ISCU: variants seen among roughly 807,000 people sequenced by gnomAD.
ISCU encodes the protein iron-sulfur cluster assembly enzyme ISCU.
Under a neutral mutation model 18.4 loss-of-function variants are expected in ISCU, and 13 were observed. The observed-to-expected ratio is 0.71, with a 90% confidence interval of 0.46 to 1.12. The LOEUF (loss-of-function observed/expected upper bound fraction) is 1.12, where lower values mean the gene tolerates loss of function less well. ISCU is among the 50% of genes most tolerant of loss of function. ISCU has a pLI of 0.00. For missense variants in ISCU, 229 were observed against 208.7 expected (o/e 1.10, Z -0.60); for synonymous variants, 104 against 87.5 (o/e 1.19, Z -1.06).
intron 4 of ISCU, chr12:108,568,117 T>G (rs2030986861): frequency 1.5e-6 from 2 of 1,374,510 alleles, no homozygotes; most frequent in Non-Finnish European, 1.9e-6. Context: ...GATCTGGAAT[T>G]TTAAGTACCC....
chr12:108,564,319 T>C lies in ISCU; in HGVS notation c.155T>C (p.Leu52Pro), dbSNP rs560744899. Residue 52 changes from leucine (L) to proline (P), a missense_variant, in exon 2 of 5, where the codon CTT becomes CCT. Coordinates refer to ENST00000311893, the MANE Select transcript of ISCU (RefSeq NM_213595.4). ...HYENPRNVGS[L>P]DKTSKNVGTG... ...GAAAATCCTAGAAACGTGGGGTCCC[T>C]TGACAAGACATCTAAAAATGTTGGA... 2.5e-6 allele frequency: 4 copies of C among 1,614,200 alleles called. No individual in the cohort carries two copies. In the South Asian group the frequency reaches 3.3e-5, roughly 13 times the overall value.
At position 108,568,205 on chromosome 12, in the gene ISCU, G is replaced by A. The variant is rs149143463; in HGVS notation, c.419-626G>A. 1.7e-3 allele frequency: 2,176 copies of A among 1,264,390 alleles called. 62 individuals carry two copies. The highest frequency in any genetic ancestry group is 2.0e-4 in the Non-Finnish European group (205 of 1,005,196). The allele number at this position is 1,264,390 out of a possible 1,614,324, so 78.3% of individuals were successfully genotyped here. On this transcript the variant is annotated intron_variant, in intron 4 of 4. Transcript: ENST00000311893. The stretch of plus-strand genomic sequence containing the variant: ...CAGCCCTTTTATTAGGCCTTTTTAG[G>A]TACTGAAACCTTTAGCTGATGTTCT...
At chr12:108,564,156 G>A (rs1205590760) in intron 1 of ISCU, 123 bp from the exon 2 acceptor site, 2 of 1,610,042 alleles carry the variant, frequency 1.2e-6, no homozygotes, top group Non-Finnish European at 1.7e-6. Flanking sequence ...TTCTACTCAG[G>A]TGAAATTTGG....
At chr12:108,567,795 G>A (rs2030970895) in intron 4 of ISCU, 1 of 1,531,286 alleles carries the variant, frequency 6.5e-7, no homozygotes, top group Non-Finnish European at 8.7e-7. Context: ...AAGCCCAGTT[G>A]TACAATGTCC....
At position 108,569,254 on chromosome 12, in the gene ISCU, G is replaced by A. The variant is rs2031044099; in HGVS notation, c.*338G>A. The A allele has an allele frequency of 9.8e-6, 3 of 305,634 alleles. No individual in the cohort carries two copies. The highest frequency in any genetic ancestry group is 6.8e-5 in the South Asian group (2 of 29,518). The allele number at this position is 305,634 out of a possible 1,614,324, so 18.9% of individuals were successfully genotyped here. A position where few individuals can be genotyped will look rare whatever the true frequency, so the allele number is the denominator to read the frequency against. ...TAATTTTACCTGAATTGATTTGGGG[G>A]GAAATTACCAGTAGAATGCCTTGGT... is the stretch of plus-strand genomic sequence containing the variant. On this transcript the variant is annotated 3_prime_UTR_variant, in exon 5 of 5. Coordinates refer to ENST00000311893, the MANE Select transcript of ISCU (RefSeq NM_213595.4).
rs1480232159 is a variant in ISCU at position 108,562,737 on chromosome 12, G to A, written c.114+1G>A. 2.2e-6 allele frequency: 3 copies of A among 1,364,274 alleles called. No individual in the cohort carries two copies. The highest frequency in any genetic ancestry group is 2.8e-6 in the Non-Finnish European group (3 of 1,075,900). 84.5% of individuals were successfully genotyped at this position (1,364,274 alleles called of 1,614,324 possible). On this transcript the variant is annotated splice_donor_variant, in intron 1 of 4. Coordinates refer to ENST00000311893, the MANE Select transcript of ISCU (RefSeq NM_213595.4). LOFTEE classifies it high-confidence loss of function. ...CCCGGCCCGACTCTATCACAAGAAG[G>A]TAGGGACAAAAGAGGGACGCGCGGA...
At chr12:108,564,497 G>A in intron 2 of ISCU, 105 bp downstream of exon 2, 1 of 801,364 alleles carries the variant, frequency 1.2e-6, no homozygotes, top group Non-Finnish European at 2.1e-6. Context: ...AGATCTCCAA[G>A]CATTTCACTT....
rs1309203989 is a variant in ISCU at position 108,567,559 on chromosome 12, C to G, written c.418+291C>G. 1.6e-5 allele frequency: 16 copies of G among 973,518 alleles called. No homozygotes were observed. In the Admixed American group the frequency reaches 3.2e-4, roughly 20 times the overall value. 60.3% of individuals were successfully genotyped at this position (973,518 alleles called of 1,614,324 possible). On this transcript the variant is annotated intron_variant, in intron 4 of 4. Transcript: ENST00000311893. ...GTGCACAGTAGATGTCATTACTTCC[C>G]TCTTATGGATGAGGAAGCTAAGGCT...
In ISCU at chr12:108,564,323, C is replaced by A. The variant is rs745476091; in HGVS notation, c.159C>A (p.Asp53Glu). The change falls in exon 2 of 5, where the codon GAC becomes GAA. Residue 53 changes from aspartate to glutamate, a missense_variant. By Grantham distance (45) the Asp-to-Glu change is conservative. Transcript: ENST00000311893. ...ATCCTAGAAACGTGGGGTCCCTTGA[C>A]AAGACATCTAAAAATGTTGGAACTG... ...YENPRNVGSL[D>E]KTSKNVGTGL... 1 of 1,614,160 alleles carries A rather than the reference C, an allele frequency of 6.2e-7. No homozygotes were observed. The highest frequency in any genetic ancestry group is 8.5e-7 in the Non-Finnish European group (1 of 1,180,000).
At chr12:108,567,325 G>C in intron 4 of ISCU, 57 bp downstream of exon 4, 1 of 1,391,994 alleles carries the variant, frequency 7.2e-7, no homozygotes, top group Non-Finnish European at 1.0e-6. Context: ...ATTTCAACTT[G>C]GTTTGCAACA....
Position 108,568,998 on chromosome 12 carries a change from G to A in ISCU, c.*82G>A, listed in dbSNP as rs561417629. The A allele has an allele frequency of 1.3e-3, 1,478 of 1,179,588 alleles. 1 individual carries two copies. Among genetic ancestry groups the A allele is most frequent in the Non-Finnish European group, 1.7e-3 (1,342 of 807,302 alleles). The allele number at this position is 1,179,588 out of a possible 1,614,324, so 73.1% of individuals were successfully genotyped here. On this transcript the variant is annotated 3_prime_UTR_variant, in exon 5 of 5. Transcript: ENST00000311893. ...CAGTCACCTTAGATGTTCAGAAGCC[G>A]CTTCCTCTCCACTGAAGAGCTATGA...
At chr12:108,568,155 T>C in intron 4 of ISCU, 1 of 1,321,628 alleles carries the variant, frequency 7.6e-7, no homozygotes, top group Non-Finnish European at 9.6e-7. Flanking sequence ...CTTGTAAACA[T>C]TTTCACATGG....
rs769158641 is a variant in ISCU, at chr12:108,568,947, A to C, written c.*31A>C. Reference sequence around the variant, plus strand: ...CCCTCGGCGAAGCCTCCAGCAGGCCACACCAGCTGTTTCCCACCTGCTGTG... The same window carrying C: ...CCCTCGGCGAAGCCTCCAGCAGGCCCCACCAGCTGTTTCCCACCTGCTGTG... On this transcript the variant is annotated 3_prime_UTR_variant, in exon 5 of 5. Coordinates refer to ENST00000311893, the MANE Select transcript of ISCU (RefSeq NM_213595.4). The C allele has an allele frequency of 1.3e-6, 2 of 1,578,866 alleles. No homozygotes were observed. The highest frequency in any genetic ancestry group is 2.7e-5 in the African/African-American group (2 of 74,444).
Position 108,564,353 on chromosome 12 carries a change from G to C in ISCU, c.189G>C (p.Leu63=). 2.5e-6 allele frequency: 4 copies of C among 1,614,140 alleles called. No individual in the cohort carries two copies. Among genetic ancestry groups the C allele is most frequent in the Admixed American group, 1.7e-5 (1 of 60,034 alleles). Reference sequence around the variant, plus strand: ...CATCTAAAAATGTTGGAACTGGACTGGTGGGGGCTCCAGCATGTGGTGACG... The same window carrying C: ...CATCTAAAAATGTTGGAACTGGACTCGTGGGGGCTCCAGCATGTGGTGACG... The part of the protein sequence containing the change: ...DKTSKNVGTG[L]VGAPACGDVM... The change falls in exon 2 of 5, where the codon CTG becomes CTC. Residue 63 remains leucine (L), a synonymous_variant. Transcript: ENST00000311893.
chr12:108,567,728 A>T, intron 4 of ISCU: 1 of 1,535,854 alleles, frequency 6.5e-7, no homozygotes, highest in Non-Finnish European at 8.7e-7. Flanking sequence ...GTATTTCTTC[A>T]CTTCCTGTCT....
At chr12:108,567,745 T>C (rs2030968077) in intron 4 of ISCU, 1 of 1,535,862 alleles carries the variant, frequency 6.5e-7, no homozygotes, top group Non-Finnish European at 8.7e-7. Flanking sequence ...GTCTGGATGG[T>C]ATTCCTGTCG....
In ISCU at chr12:108,567,277, C is replaced by T. The variant is rs1317185899; in HGVS notation, c.418+9C>T. 10 of 1,606,808 alleles carry T rather than the reference C, an allele frequency of 6.2e-6. No homozygotes were observed. Among genetic ancestry groups the T allele is most frequent in the Non-Finnish European group, 8.5e-6 (10 of 1,173,444 alleles). On this transcript the variant is annotated intron_variant, in intron 4 of 4. Coordinates refer to ENST00000311893, the MANE Select transcript of ISCU (RefSeq NM_213595.4). ...GAAACTGCACTGCTCCAGTAAGTCT[C>T]TGCTCTCCATACCAGTCAGCTGGGA...
chr12:108,565,547 A>G (rs2030856212), intron 3 of ISCU, 116 bp downstream of exon 3: 1 of 721,990 alleles, frequency 1.4e-6, no homozygotes, highest in Non-Finnish European at 2.5e-6. Context: ...CATTTCTTCA[A>G]ATTGGGAATT....
chr12:108,568,305 T>C, intron 4 of ISCU: 4 of 1,105,182 alleles, frequency 3.6e-6, no homozygotes, highest in South Asian at 3.4e-5. Flanking sequence ...ACTTTGAATA[T>C]TGACTCCTAA....
Sources: gnomAD v4.1 joint callset for allele counts on GRCh38, gnomAD v4.1.1 for gene constraint, MANE v1.5 for transcripts, NCBI Gene and HGNC (gene_info 2026-07-23, HGNC 2026-07-21) for gene names.